Variants in ZZZ3 observed in about 807,000 individuals in gnomAD.
The protein encoded by ZZZ3 is ZZ-type zinc finger-containing protein 3.
ZZZ3 carries 22 observed loss-of-function variants against 95.2 expected under a neutral mutation model. That is an observed-to-expected ratio of 0.23 (90% confidence interval 0.17 to 0.33). The LOEUF (loss-of-function observed/expected upper bound fraction) is 0.33. Among genes scored for constraint, ZZZ3 ranks in the 10% least tolerant of loss-of-function variants. The pLI is 1.00. For missense variants in ZZZ3, 885 were observed against 1,066.5 expected (o/e 0.83, Z 2.37); for synonymous variants, 335 against 358.9 (o/e 0.93, Z 0.75).
At chr1:77,671,537 CA>C (rs1017798082) in intron 1 of ZZZ3, among the ~76,000 whole-genome samples, 7 of 152,140 alleles carry the variant, frequency 4.6e-5, no homozygotes, top group Non-Finnish European at 8.8e-5. Context: ...GTTCAAATCC[CA>C]AACCCTCCAT....
rs1661938166 is a variant in ZZZ3, at chr1:77,576,345, C to A, written c.2179-125G>T. ...GAATTTCACTCTATCCTTTAGCATA[C>A]TCTTATGTTGTTGCTTTTTCTGTTT... On this transcript the variant is annotated intron_variant, in intron 11 of 14. Transcript: ENST00000370801. 6.7e-6 allele frequency: 5 copies of A among 744,278 alleles called. No homozygotes were observed. The East Asian group carries it at 1.5e-4, about 22-fold the overall frequency. The allele number at this position is 744,278 out of a possible 1,614,324, so 46.1% of individuals were successfully genotyped here.
rs376733075 is a variant in ZZZ3, at chr1:77,654,943, C to T, written c.-402-13288G>A. Among the ~76,000 whole-genome samples, 26 of 152,212 alleles carry T rather than the reference C, an allele frequency of 1.7e-4. No individual in the cohort carries two copies. The East Asian group carries it at 2.1e-3, about 12-fold the overall frequency. ...GGATTACAGGTATAAGCCACCACAC[C>T]GAGCCAAGAAATTTATTTCTTACTG... is the stretch of plus-strand genomic sequence containing the variant. On this transcript the variant is annotated intron_variant, in intron 1 of 14. Transcript: ENST00000370801.
intron 11 of ZZZ3, among the ~76,000 whole-genome samples, chr1:77,577,623 A>G (rs1013990879): frequency 6.6e-5 from 10 of 152,244 alleles, no homozygotes; most frequent in Admixed American, 6.5e-5. Context: ...AGCACTAGAT[A>G]TACTCTTAGC....
At chr1:77,605,111 T>C (rs2100696680) in intron 5 of ZZZ3, among the ~76,000 whole-genome samples, 1 of 152,326 alleles carries the variant, frequency 6.6e-6, no homozygotes, top group Admixed American at 6.5e-5. Flanking sequence ...TGGTTTTAAC[T>C]TCATGTTGCT....
chr1:77,642,679 G>T (rs539826647), intron 1 of ZZZ3, among the ~76,000 whole-genome samples: 5 of 152,236 alleles, frequency 3.3e-5, no homozygotes, highest in Middle Eastern at 3.4e-3. Context: ...TCTGAGCCCC[G>T]GAAATTGAGG....
Position 77,564,496 on chromosome 1 carries a change from A to G in ZZZ3, c.*1144T>C, listed in dbSNP as rs1660657666. 1 of 152,638 alleles carries G rather than the reference A, an allele frequency of 6.6e-6. No individual in the cohort carries two copies. The highest frequency in any genetic ancestry group is 6.5e-5 in the Admixed American group (1 of 15,282). 9.5% of individuals were successfully genotyped at this position (152,638 alleles called of 1,614,324 possible). On this transcript the variant is annotated 3_prime_UTR_variant, in exon 15 of 15. Transcript: ENST00000370801. Reference sequence around the variant, plus strand: ...ATCTAACCAAAAGGAAGTCACAACAAGCATTCTATAATATAAACAGACAGT... The same window carrying G: ...ATCTAACCAAAAGGAAGTCACAACAGGCATTCTATAATATAAACAGACAGT...
At chr1:77,615,627 T>A (rs1243370803) in intron 5 of ZZZ3, among the ~76,000 whole-genome samples, 4 of 152,204 alleles carry the variant, frequency 2.6e-5, no homozygotes, top group African/African-American at 9.6e-5. Context: ...TGACAAAAAA[T>A]ATATTTCTCC....
intron 5 of ZZZ3, among the ~76,000 whole-genome samples, chr1:77,585,393 A>C (rs368844060): frequency 6.6e-6 from 1 of 152,178 alleles, no homozygotes; most frequent in South Asian, 2.1e-4. Context: ...CATCTATTCT[A>C]ATATTCTCCC....
chr1:77,618,555 G>A (rs1393661504), intron 5 of ZZZ3, among the ~76,000 whole-genome samples: 1 of 152,072 alleles, frequency 6.6e-6, no homozygotes, highest in Admixed American at 6.6e-5. Flanking sequence ...ATATAATCTT[G>A]AATACTGACA....
chr1:77,580,803 T>C (rs1013578913), intron 9 of ZZZ3, 195 bp downstream of exon 9: 12 of 490,012 alleles, frequency 2.4e-5, no homozygotes, highest in Non-Finnish European at 4.5e-5. Context: ...GGCTAATTTT[T>C]GTATTTTTAG....
intron 4 of ZZZ3, 117 bp downstream of exon 4, chr1:77,639,332 A>G: frequency 1.4e-6 from 1 of 739,292 alleles, no homozygotes; most frequent in Non-Finnish European, 2.0e-6. Context: ...CAGCCAAACT[A>G]CAAGTTGCCA....
At chr1:77,582,670 CTT>C (rs11401605) in intron 6 of ZZZ3, among the ~76,000 whole-genome samples, 10 of 143,334 alleles carry the variant, frequency 7.0e-5, no homozygotes, top group Non-Finnish European at 6.1e-5. Context: ...TAATTTTTTT[CTT>C]TTTTTTTTTT....
In ZZZ3 at chr1:77,669,501, G is replaced by A. The variant is rs185392268; in HGVS notation, c.-403+13084C>T. Among the ~76,000 whole-genome samples, 4 of 141,828 alleles carry A rather than the reference G, an allele frequency of 2.8e-5. No individual in the cohort carries two copies. In the East Asian group the frequency reaches 6.1e-4, roughly 22 times the overall value. The allele number at this position is 141,828 out of a possible 152,430, so 93.0% of individuals were successfully genotyped here. On this transcript the variant is annotated intron_variant, in intron 1 of 14. Coordinates refer to ENST00000370801, the MANE Select transcript of ZZZ3 (RefSeq NM_015534.6). ...AGATGGCGTCTCGCTCAGTTGCCCA[G>A]GCTGGAGTGAACAGGCGCAATCTCA...
intron 5 of ZZZ3, chr1:77,615,047 A>G (rs114030928): frequency 1.3e-5 from 2 of 152,364 alleles, no homozygotes; most frequent in Non-Finnish European, 2.9e-5. Flanking sequence ...AGGAATCCAG[A>G]GCAATCACTG....
Position 77,639,431 on chromosome 1 carries a change from C to CA in ZZZ3, c.-52+17dup. 6.6e-7 allele frequency: 1 copy of CA among 1,506,146 alleles called. No homozygotes were observed. Among genetic ancestry groups the CA allele is most frequent in the Non-Finnish European group, 8.9e-7 (1 of 1,128,118 alleles). 93.3% of individuals were successfully genotyped at this position (1,506,146 alleles called of 1,614,324 possible). ...CAAACTATAGCTGTCTTCACTACTG[C>CA]AAAACTAAATAACTTACCTGTACAA... On this transcript the variant is annotated intron_variant, in intron 4 of 14. Coordinates refer to ENST00000370801, the MANE Select transcript of ZZZ3 (RefSeq NM_015534.6).
chr1:77,638,724 T>G (rs930635251), intron 4 of ZZZ3, among the ~76,000 whole-genome samples: 3 of 152,194 alleles, frequency 2.0e-5, no homozygotes, highest in Non-Finnish European at 4.4e-5. Context: ...TATATTCACA[T>G]AGACAAACCA....
At position 77,657,685 on chromosome 1, in the gene ZZZ3, C is replaced by G. The variant is rs1343078192; in HGVS notation, c.-402-16030G>C. 2.0e-5 allele frequency among the ~76,000 whole-genome samples: 3 copies of G among 152,204 alleles called. No individual in the cohort carries two copies. The East Asian group carries it at 5.8e-4, about 29-fold the overall frequency. On this transcript the variant is annotated intron_variant, in intron 1 of 14. Transcript: ENST00000370801. The stretch of plus-strand genomic sequence containing the variant: ...AAGAATAATGAGAACAGACTATAGT[C>G]ATCCCTCAGTATACGTGGGGGGGAT...
intron 1 of ZZZ3, among the ~76,000 whole-genome samples, chr1:77,673,492 G>A (rs1671970365): frequency 6.6e-6 from 1 of 152,122 alleles, no homozygotes; most frequent in Non-Finnish European, 1.5e-5. Context: ...AGCTACTCGG[G>A]AGTCTGAGGC....
rs530582656 is a variant in ZZZ3, at chr1:77,607,130, TTTAA to T, written c.1506-22479_1506-22476del. Among the ~76,000 whole-genome samples the T allele has an allele frequency of 1.9e-3, 292 of 152,328 alleles. 4 individuals carry two copies. Among genetic ancestry groups the T allele is most frequent in the African/African-American group, 6.7e-3 (280 of 41,570 alleles). On this transcript the variant is annotated intron_variant, in intron 5 of 14. Coordinates refer to ENST00000370801, the MANE Select transcript of ZZZ3 (RefSeq NM_015534.6). ...CTGGGTAATTTGGACAGGAAAGCGG[TTTAA>T]TTGACTCACAATTCCACATGGCTGG...
Sources: allele counts gnomAD v4.1 joint callset (sites outside exome capture counted in the v4.1 genomes callset), GRCh38; gene constraint gnomAD v4.1.1; transcripts MANE v1.5; gene names NCBI Gene and HGNC (gene_info 2026-07-23, HGNC 2026-07-21).